The following RALGPS2 variants were observed in gnomAD, a reference collection of about 807,000 sequenced individuals.
RALGPS2 encodes Ral GEF with PH domain and SH3 binding motif 2.
A neutral mutation model predicts 86.8 loss-of-function variants in RALGPS2; 43 were observed. The observed-to-expected ratio is 0.50, with a 90% CI of 0.39 to 0.64. The LOEUF is 0.64. Ranked by LOEUF, RALGPS2 falls within the 30% of genes least tolerant of loss-of-function variation. The pLI is 0.00. For missense variants in RALGPS2, 536 were observed against 694.6 expected (o/e 0.77, Z 2.57); for synonymous variants, 243 against 231.3 (o/e 1.05, Z -0.46).
At chr1:178,846,431 A>G (rs1401690194) in intron 8 of RALGPS2, among the ~76,000 whole-genome samples, 2 of 152,196 alleles carry the variant, frequency 1.3e-5, no homozygotes, top group African/African-American at 4.8e-5. Context: ...TTTGGATTTG[A>G]GAATAAGCTC....
intron 1 of RALGPS2, among the ~76,000 whole-genome samples, chr1:178,754,603 T>C (rs1651857741): frequency 6.6e-6 from 1 of 152,194 alleles, no homozygotes; most frequent in Non-Finnish European, 1.5e-5. Flanking sequence ...GTCTGCCACA[T>C]TGGGTGGGCA....
In RALGPS2 at chr1:178,804,227, C is replaced by G. The variant is rs1010201414; in HGVS notation, c.214-3818C>G. ...CAACCTCGATCCTGGAGCTCCACTC[C>G]CACCCAGATCTCTTAGCTGTTTCTT... On this transcript the variant is annotated intron_variant, in intron 4 of 19. Coordinates refer to ENST00000367635, the MANE Select transcript of RALGPS2 (RefSeq NM_152663.5). 5.3e-5 allele frequency among the ~76,000 whole-genome samples: 8 copies of G among 150,648 alleles called. No individual in the cohort carries two copies. In the South Asian group the frequency reaches 1.7e-3, roughly 32 times the overall value.
chr1:178,851,510 CTTTT>C (rs141735334), intron 8 of RALGPS2, among the ~76,000 whole-genome samples: 2 of 151,896 alleles, frequency 1.3e-5, no homozygotes, highest in Non-Finnish European at 2.9e-5. Context: ...CTTGAATTGC[CTTTT>C]TTTAACTCTT....
At chr1:178,765,177 CAG>C (rs896435338) in intron 1 of RALGPS2, among the ~76,000 whole-genome samples, 2 of 148,608 alleles carry the variant, frequency 1.3e-5, no homozygotes, top group Admixed American at 6.7e-5. Context: ...TTTTTTTATA[CAG>C]AGTCTTGCTC....
intron 8 of RALGPS2, among the ~76,000 whole-genome samples, chr1:178,855,848 A>G (rs538341347): frequency 2.6e-5 from 4 of 151,364 alleles, no homozygotes; most frequent in African/African-American, 9.7e-5. Context: ...GACACATCAC[A>G]GGAATCAAAG....
chr1:178,855,903 GTTGT>G (rs762700088), intron 8 of RALGPS2, among the ~76,000 whole-genome samples: 16 of 149,398 alleles, frequency 1.1e-4, no homozygotes, highest in Non-Finnish European at 2.2e-4. Context: ...TTTTCTTTTT[GTTGT>G]TTGTTAATAC....
chr1:178,911,825 A>G (rs1420165693), intron 19 of RALGPS2, among the ~76,000 whole-genome samples: 1 of 152,188 alleles, frequency 6.6e-6, no homozygotes, highest in African/African-American at 2.4e-5. Flanking sequence ...GAAGTCTTCC[A>G]TTATGTAGTT....
chr1:178,889,912 C>T (rs920481232), intron 14 of RALGPS2, among the ~76,000 whole-genome samples: 15 of 151,918 alleles, frequency 9.9e-5, no homozygotes, highest in Non-Finnish European at 2.2e-4. Context: ...TGGCATGACA[C>T]ATGTATTTGA....
chr1:178,762,453 C>T lies in RALGPS2; in HGVS notation c.-83-14229C>T, dbSNP rs117203462. On this transcript the variant is annotated intron_variant, in intron 1 of 19. Coordinates refer to ENST00000367635, the MANE Select transcript of RALGPS2 (RefSeq NM_152663.5). ...CAAGCTGCTTTCCACAGTGGCTGAA[C>T]GAATTTACATTCCCACCAGCAGCGC... Among the ~76,000 whole-genome samples, 309 of 152,276 alleles carry T rather than the reference C, an allele frequency of 2.0e-3. 4 individuals are homozygous for T. The highest frequency in any genetic ancestry group is 0.013 in the East Asian group (69 of 5,180).
At chr1:178,778,145 C>A (rs1449558584) in intron 2 of RALGPS2, among the ~76,000 whole-genome samples, 1 of 127,902 alleles carries the variant, frequency 7.8e-6, no homozygotes, top group African/African-American at 3.7e-5. Flanking sequence ...ACCTACTCAT[C>A]TGACAAAGTG....
chr1:178,904,844 T>G (rs1660327095), intron 18 of RALGPS2, among the ~76,000 whole-genome samples: 1 of 152,188 alleles, frequency 6.6e-6, no homozygotes, highest in East Asian at 1.9e-4. Flanking sequence ...CTTTTTTGAT[T>G]GTATGTGAAT....
intron 8 of RALGPS2, among the ~76,000 whole-genome samples, chr1:178,872,846 A>G (rs1472688414): frequency 1.3e-5 from 2 of 152,180 alleles, no homozygotes; most frequent in African/African-American, 4.8e-5. Flanking sequence ...GTTAAATTGA[A>G]AATGAAAGTC....
At chr1:178,802,686 T>C (rs375325336) in intron 4 of RALGPS2, among the ~76,000 whole-genome samples, 1 of 152,214 alleles carries the variant, frequency 6.6e-6, no homozygotes, top group Non-Finnish European at 1.5e-5. Flanking sequence ...GTTAATTTTA[T>C]GCAGTTATGA....
intron 8 of RALGPS2, among the ~76,000 whole-genome samples, chr1:178,834,974 C>T (rs570001914): frequency 1.8e-4 from 28 of 152,172 alleles, no homozygotes; most frequent in East Asian, 5.8e-4. Context: ...GACAGGGTTT[C>T]GCCATGTTGG....
Position 178,833,441 on chromosome 1 carries a change from C to A in RALGPS2, c.498C>A (p.Asp166Glu). Reference sequence around the variant, plus strand: ...TTTTTTAGTTATTAAGTCGAAAAGACAAAACTACCTTTGAAAAATTAGAAT... The same window carrying A: ...TTTTTTAGTTATTAAGTCGAAAAGAAAAAACTACCTTTGAAAAATTAGAAT... Reference protein sequence around the residue: ...TKTWALLSRKDKTTFEKLEYV... With the variant: ...TKTWALLSRKEKTTFEKLEYV... The change falls in exon 8 of 20, where the codon GAC becomes GAA. Residue 166 changes from aspartate (D) to glutamate (E), a missense_variant. By Grantham distance (45) the Asp-to-Glu change is conservative (BLOSUM62 2). Coordinates refer to ENST00000367635, the MANE Select transcript of RALGPS2 (RefSeq NM_152663.5). 1 of 1,506,886 alleles carries A rather than the reference C, an allele frequency of 6.6e-7. No homozygotes were observed. Among genetic ancestry groups the A allele is most frequent in the African/African-American group, 1.5e-5 (1 of 68,182 alleles). 93.3% of individuals were successfully genotyped at this position (1,506,886 alleles called of 1,614,324 possible). A position where few individuals can be genotyped will look rare whatever the true frequency, so the allele number is the denominator to read the frequency against.
At chr1:178,911,932 A>G (rs1190090372) in intron 19 of RALGPS2, among the ~76,000 whole-genome samples, 1 of 152,182 alleles carries the variant, frequency 6.6e-6, no homozygotes, top group East Asian at 1.9e-4. Flanking sequence ...AGTCTTCTGG[A>G]TGAATTGAAC....
In RALGPS2 at chr1:178,886,057, GAGCCCC is replaced by G; in HGVS notation, c.1131_1136del (p.Glu377_His379delinsAsp). ...ACATCTGTTAGATGATAGCGTCATG[GAGCCCC>G]ATGCGCCATCTCGAGGCCAAGCTGA... On this transcript the variant is annotated inframe_deletion, in exon 13 of 20. Transcript: ENST00000367635. 6.2e-7 allele frequency: 1 copy of G among 1,613,754 alleles called. No individual in the cohort carries two copies. The highest frequency in any genetic ancestry group is 8.5e-7 in the Non-Finnish European group (1 of 1,179,862).
chr1:178,875,441 A>G (rs1168894407), intron 8 of RALGPS2, among the ~76,000 whole-genome samples: 1 of 152,118 alleles, frequency 6.6e-6, no homozygotes, highest in African/African-American at 2.4e-5. Flanking sequence ...TTTTATAAGT[A>G]GGGGAGATTT....
chr1:178,747,829 G>A (rs1005324224), intron 1 of RALGPS2: 7 of 623,506 alleles, frequency 1.1e-5, no homozygotes, highest in Non-Finnish European at 1.4e-5. Flanking sequence ...TCCGCAGAGA[G>A]CCTATATTAC....
Sources: allele counts gnomAD v4.1 joint callset (sites outside exome capture counted in the v4.1 genomes callset), GRCh38; gene constraint gnomAD v4.1.1; transcripts MANE v1.5; gene names NCBI Gene and HGNC (gene_info 2026-07-23, HGNC 2026-07-21).